Variants in DAGLB observed in about 807,000 individuals in gnomAD.
The protein encoded by DAGLB is diacylglycerol lipase beta.
In DAGLB, 66 loss-of-function variants were observed where a neutral mutation model predicts 72.1. That is an observed-to-expected ratio of 0.92 (90% CI 0.75 to 1.12). DAGLB has a LOEUF of 1.12. Ranked by LOEUF, DAGLB falls within the 50% of genes most tolerant of loss-of-function variation. DAGLB has a pLI of 0.00. For missense variants in DAGLB, 1,065 were observed against 884.9 expected (o/e 1.20, Z -2.58); for synonymous variants, 414 against 359.5 (o/e 1.15, Z -1.71).
chr7:6,436,838 A>C (rs1055681805), intron 2 of DAGLB, among the ~76,000 whole-genome samples: 5 of 151,954 alleles, frequency 3.3e-5, no homozygotes, highest in African/African-American at 1.2e-4. Flanking sequence ...TGAGAGGAAA[A>C]AAGGGGACTA....
intron 9 of DAGLB, among the ~76,000 whole-genome samples, chr7:6,418,854 C>T (rs913653364): frequency 2.0e-5 from 3 of 151,486 alleles, no homozygotes; most frequent in Admixed American, 6.6e-5. Flanking sequence ...TTAGTAGAGA[C>T]GGGGTTTCAC....
chr7:6,437,129 G>A (rs935108946), intron 2 of DAGLB, among the ~76,000 whole-genome samples: 2 of 149,364 alleles, frequency 1.3e-5, no homozygotes, highest in Non-Finnish European at 3.0e-5. Flanking sequence ...ACTCTAGTCT[G>A]GGTGACAGAG....
chr7:6,440,421 CAGA>C (rs757652960), intron 2 of DAGLB, among the ~76,000 whole-genome samples: 6 of 151,718 alleles, frequency 4.0e-5, no homozygotes, highest in Non-Finnish European at 7.4e-5. Flanking sequence ...AATTGAGCTA[CAGA>C]AGAAGAGGAT....
rs370874201 is a variant in DAGLB at position 6,422,250 on chromosome 7, C to T, written c.1141-446G>A. 245 of 312,886 alleles carry T rather than the reference C, an allele frequency of 7.8e-4. 1 individual carries two copies. The highest frequency in any genetic ancestry group is 1.2e-3 in the South Asian group (45 of 38,902). 19.4% of individuals were successfully genotyped at this position (312,886 alleles called of 1,614,324 possible). A position where few individuals can be genotyped will look rare whatever the true frequency, so the allele number is the denominator to read the frequency against. On this transcript the variant is annotated intron_variant, in intron 8 of 14. Coordinates refer to ENST00000297056, the MANE Select transcript of DAGLB (RefSeq NM_139179.4). The stretch of plus-strand genomic sequence containing the variant: ...GTCAGAGGATGGGGCACAGCCCAGG[C>T]GCAGGGGCAGCTCCCTGGAGGAGGT...
At chr7:6,446,981 G>A (rs893777435) in intron 1 of DAGLB, among the ~76,000 whole-genome samples, 3 of 152,082 alleles carry the variant, frequency 2.0e-5, no homozygotes, top group African/African-American at 4.8e-5. Context: ...CTGCACTCCC[G>A]CCTGGGTAGC....
In DAGLB at chr7:6,409,938, T is replaced by A; in HGVS notation, c.1918A>T (p.Met640Leu). The change falls in exon 15 of 15, where the codon ATG (methionine) becomes TTG (leucine). Residue 640 changes from methionine (M) to leucine (L), a missense_variant. Transcript: ENST00000297056. Reference protein sequence around the residue: ...LIGPKMLTDHMPDILMRALDS... With the variant: ...LIGPKMLTDHLPDILMRALDS... ...AAGGCCCGCATCAGGATGTCTGGCA[T>A]GTGGTCGGTGAGCATCTTCGGACCT... 1 of 1,614,146 alleles carries A rather than the reference T, an allele frequency of 6.2e-7. No homozygotes were observed. The highest frequency in any genetic ancestry group is 2.2e-5 in the East Asian group (1 of 44,880).
At chr7:6,429,176 C>G (rs1784402966) in intron 6 of DAGLB, among the ~76,000 whole-genome samples, 1 of 151,978 alleles carries the variant, frequency 6.6e-6, no homozygotes. Flanking sequence ...TTAATATAAC[C>G]AGAAATGGGA....
intron 13 of DAGLB, 41 bp from the exon 14 acceptor site, chr7:6,410,421 C>G: frequency 6.7e-7 from 1 of 1,501,748 alleles, no homozygotes; most frequent in Non-Finnish European, 8.7e-7. Context: ...GTCACTCACC[C>G]TCTGTCACCC....
intron 2 of DAGLB, among the ~76,000 whole-genome samples, chr7:6,442,057 C>T (rs1784853686): frequency 6.6e-6 from 1 of 152,084 alleles, no homozygotes; most frequent in African/African-American, 2.4e-5. Flanking sequence ...CTTTTGGATC[C>T]TTCCTAGAGG....
At chr7:6,446,264 C>T (rs1246090112) in intron 1 of DAGLB, among the ~76,000 whole-genome samples, 160 bp from the exon 2 acceptor site, 3 of 147,638 alleles carry the variant, frequency 2.0e-5, no homozygotes, top group South Asian at 2.1e-4. Flanking sequence ...GTCAGGAGAT[C>T]GAGACCATCC....
intron 7 of DAGLB, among the ~76,000 whole-genome samples, chr7:6,425,477 G>A (rs916894933): frequency 9.9e-5 from 15 of 152,070 alleles, no homozygotes; most frequent in Non-Finnish European, 1.2e-4. Context: ...TCACCATATT[G>A]GCCAGGCTGG....
chr7:6,428,956 T>A (rs1490572234), intron 6 of DAGLB, among the ~76,000 whole-genome samples: 5 of 152,134 alleles, frequency 3.3e-5, no homozygotes, highest in Non-Finnish European at 7.4e-5. Flanking sequence ...AGGTACACAC[T>A]GTTACACCCA....
chr7:6,432,681 G>A (rs1320600494), intron 5 of DAGLB, among the ~76,000 whole-genome samples, 156 bp downstream of exon 5: 2 of 142,252 alleles, frequency 1.4e-5, no homozygotes, highest in African/African-American at 5.2e-5. Flanking sequence ...AAAAAAAGGT[G>A]GGAGAGGGGA....
In DAGLB at chr7:6,409,642, C is replaced by A; in HGVS notation, c.*195G>T. 2 of 695,752 alleles carry A rather than the reference C, an allele frequency of 2.9e-6. No homozygotes were observed. The highest frequency in any genetic ancestry group is 3.8e-5 in the South Asian group (2 of 52,486). The allele number at this position is 695,752 out of a possible 1,614,324, so 43.1% of individuals were successfully genotyped here. A position where few individuals can be genotyped will look rare whatever the true frequency, so the allele number is the denominator to read the frequency against. On this transcript the variant is annotated 3_prime_UTR_variant, in exon 15 of 15. Transcript: ENST00000297056. ...TCGTCCTATCACCTGAGCGTGCTCACTACTTCTGCTACCATTATGGCCACA... is the reference window on the plus strand; with the variant it reads ...TCGTCCTATCACCTGAGCGTGCTCAATACTTCTGCTACCATTATGGCCACA...
At chr7:6,424,508 C>T (rs1156717503) in intron 8 of DAGLB, among the ~76,000 whole-genome samples, 1 of 152,164 alleles carries the variant, frequency 6.6e-6, no homozygotes, top group Admixed American at 6.5e-5. Context: ...TCTGGGAGCT[C>T]CTGTGGCGGG....
chr7:6,438,237 G>A (rs1784724688), intron 2 of DAGLB, among the ~76,000 whole-genome samples: 1 of 152,058 alleles, frequency 6.6e-6, no homozygotes, highest in South Asian at 2.1e-4. Context: ...AGCATTAGGA[G>A]ATATACCTAA....
In DAGLB at chr7:6,445,691, G is replaced by A. The variant is rs192808701; in HGVS notation, c.247+262C>T. The A allele has an allele frequency of 9.8e-5, 28 of 285,548 alleles. 1 individual carries two copies. In the East Asian group the frequency reaches 1.9e-3, roughly 19 times the overall value. The allele number at this position is 285,548 out of a possible 1,614,324, so 17.7% of individuals were successfully genotyped here. On this transcript the variant is annotated intron_variant, in intron 2 of 14. Transcript: ENST00000297056. ...TTGGCCAGGCTAGTCTCATGCTCCTGGCCTCAAGTGATCCACCCACCTCGG... is the reference window on the plus strand; with the variant it reads ...TTGGCCAGGCTAGTCTCATGCTCCTAGCCTCAAGTGATCCACCCACCTCGG...
intron 2 of DAGLB, 111 bp from the exon 3 acceptor site, chr7:6,436,644 G>T: frequency 2.3e-6 from 3 of 1,330,968 alleles, no homozygotes; most frequent in South Asian, 1.4e-5. Context: ...GTGCACACCC[G>T]CCTCCTGACT....
chr7:6,428,855 A>T (rs890833052), intron 6 of DAGLB, among the ~76,000 whole-genome samples: 1 of 152,042 alleles, frequency 6.6e-6, no homozygotes, highest in African/African-American at 2.4e-5. Context: ...CTCAGGCTGG[A>T]GTACAGTGGT....
Sources: allele counts gnomAD v4.1 joint callset (sites outside exome capture counted in the v4.1 genomes callset), GRCh38; gene constraint gnomAD v4.1.1; transcripts MANE v1.5; gene names NCBI Gene and HGNC (gene_info 2026-07-23, HGNC 2026-07-21).